Variants in LRP1B observed in about 807,000 individuals in gnomAD.
LRP1B encodes LDL receptor related protein 1B.
In LRP1B, 217 loss-of-function variants were observed where a neutral mutation model predicts 556.6. The ratio of observed to expected loss-of-function variants is 0.39; its 90% CI spans 0.35 to 0.44. The LOEUF is 0.44. LRP1B is among the 20% of genes least tolerant of loss of function. The pLI is 1.00. For missense variants in LRP1B, 5,053 were observed against 5,620.8 expected (o/e 0.90, Z 3.23); for synonymous variants, 2,047 against 1,865.8 (o/e 1.10, Z -2.50).
chr2:140,626,198 A>G (rs12469175), intron 41 of LRP1B, among the ~76,000 whole-genome samples: 34,700 of 152,046 alleles, frequency 0.23, 4,283 homozygotes, highest in Admixed American at 0.3. Flanking sequence ...AAGATCAGTG[A>G]TTACCAGGGA....
At chr2:141,629,963 T>A (rs1053971405) in intron 2 of LRP1B, among the ~76,000 whole-genome samples, 4 of 151,930 alleles carry the variant, frequency 2.6e-5, no homozygotes, top group African/African-American at 9.7e-5. Context: ...CCACCCCATG[T>A]CAAGGCATTT....
At chr2:141,690,388 C>G (rs1393262941) in intron 2 of LRP1B, among the ~76,000 whole-genome samples, 1 of 57,890 alleles carries the variant, frequency 1.7e-5, no homozygotes, top group Non-Finnish European at 3.4e-5. Flanking sequence ...AAAGGGATTA[C>G]ATCTATAAAT....
intron 84 of LRP1B, among the ~76,000 whole-genome samples, chr2:140,275,273 G>A (rs1682622718): frequency 6.6e-6 from 1 of 152,022 alleles, no homozygotes. Context: ...CCAATAAATA[G>A]GAAGGGCTGT....
intron 2 of LRP1B, among the ~76,000 whole-genome samples, chr2:141,781,286 T>C (rs188192745): frequency 3.0e-3 from 452 of 152,254 alleles, no homozygotes; most frequent in Admixed American, 5.6e-3. Context: ...ATAGGCCAAT[T>C]AGGCATGATG....
At chr2:142,023,087 C>G (rs1317192015) in intron 1 of LRP1B, among the ~76,000 whole-genome samples, 1 of 152,184 alleles carries the variant, frequency 6.6e-6, no homozygotes, top group African/African-American at 2.4e-5. Context: ...AGAATTATAT[C>G]TGAATCAGTT....
intron 4 of LRP1B, among the ~76,000 whole-genome samples, chr2:141,254,021 G>A (rs1558962174): frequency 6.6e-6 from 1 of 151,936 alleles, no homozygotes; most frequent in Non-Finnish European, 1.5e-5. Context: ...ATAAATATTT[G>A]CTATAAAGCA....
intron 57 of LRP1B, among the ~76,000 whole-genome samples, chr2:140,488,189 C>A (rs974846904): frequency 6.6e-6 from 1 of 151,980 alleles, no homozygotes; most frequent in Non-Finnish European, 1.5e-5. Flanking sequence ...GGACAGCCAA[C>A]TGATGAGTCA....
chr2:141,446,244 T>C (rs559548606), intron 3 of LRP1B, among the ~76,000 whole-genome samples: 1 of 152,300 alleles, frequency 6.6e-6, no homozygotes, highest in Non-Finnish European at 1.5e-5. Context: ...TGCTCTTTTT[T>C]TTGCTTTTGA....
chr2:140,460,079 T>C (rs1687255795), intron 60 of LRP1B, among the ~76,000 whole-genome samples: 2 of 152,174 alleles, frequency 1.3e-5, no homozygotes, highest in Admixed American at 1.3e-4. Context: ...CAAGTAAAGT[T>C]CATTTTGCAG....
chr2:140,462,702 C>T (rs1338366268), intron 60 of LRP1B, among the ~76,000 whole-genome samples: 1 of 152,164 alleles, frequency 6.6e-6, no homozygotes, highest in Non-Finnish European at 1.5e-5. Context: ...AGGAAGAGGG[C>T]AAAGAGGCAA....
At chr2:141,752,724 C>T (rs913155411) in intron 2 of LRP1B, among the ~76,000 whole-genome samples, 7 of 150,776 alleles carry the variant, frequency 4.6e-5, no homozygotes, top group African/African-American at 1.5e-4. Flanking sequence ...GGTCAGCCAT[C>T]AGTATTTAAA....
Position 140,661,506 on chromosome 2 carries a change from A to T in LRP1B, c.6799+38744T>A, listed in dbSNP as rs978366714. 2.2e-3 allele frequency among the ~76,000 whole-genome samples: 240 copies of T among 109,282 alleles called. 1 individual carries two copies. Among genetic ancestry groups the T allele is most frequent in the African/African-American group, 0.011 (233 of 20,924 alleles). 71.7% of individuals were successfully genotyped at this position (109,282 alleles called of 152,430 possible). ...GAGACCCCATCTCTACAAATAATTAAAAAAAAAAAAAAAAACGCAGTGTGG... is the reference window on the plus strand; with the variant it reads ...GAGACCCCATCTCTACAAATAATTATAAAAAAAAAAAAAAACGCAGTGTGG... On this transcript the variant is annotated intron_variant, in intron 41 of 90. Transcript: ENST00000389484.
intron 3 of LRP1B, among the ~76,000 whole-genome samples, chr2:141,410,058 A>T (rs1390776019): frequency 6.6e-6 from 1 of 152,052 alleles, no homozygotes; most frequent in Non-Finnish European, 1.5e-5. Context: ...GGAGAGAGAA[A>T]AAACGTATAA....
chr2:140,251,828 G>A (rs561916203), intron 86 of LRP1B, among the ~76,000 whole-genome samples: 2 of 151,544 alleles, frequency 1.3e-5, no homozygotes, highest in South Asian at 4.2e-4. Context: ...ATCAGTTTAT[G>A]CAAAAGGATT....
intron 17 of LRP1B, among the ~76,000 whole-genome samples, chr2:140,985,102 A>G (rs1696879266): frequency 2.0e-5 from 3 of 151,986 alleles, no homozygotes; most frequent in Non-Finnish European, 4.4e-5. Context: ...CTTCAAGAGA[A>G]TTGTTTATCT....
chr2:140,442,540 G>T lies in LRP1B; in HGVS notation c.10378C>A (p.Pro3460Thr). The T allele has an allele frequency of 2.5e-6, 4 of 1,614,002 alleles. No homozygotes were observed. The highest frequency in any genetic ancestry group is 3.4e-6 in the Non-Finnish European group (4 of 1,179,904). ...TCGTCTGATGCATCTGCACAGTCTG[G>T]ATCCTCGTCACAAACCCACAGCTTG... ...ISKLWVCDED[P>T]DCADASDEAN... is the part of the protein sequence containing the mutation. The change falls in exon 66 of 91, where the codon CCA (proline) becomes ACA (threonine). Residue 3460 changes from proline to threonine, a missense_variant. Physicochemically the swap from Pro to Thr is conservative, Grantham distance 38 (BLOSUM62 -1). Transcript: ENST00000389484.
At chr2:140,635,378 T>C (rs1325540011) in intron 41 of LRP1B, among the ~76,000 whole-genome samples, 2 of 152,016 alleles carry the variant, frequency 1.3e-5, no homozygotes, top group Admixed American at 6.6e-5. Context: ...AAGAGAGAAA[T>C]TGGTAATGAA....
chr2:141,215,371 C>T (rs570184878), intron 6 of LRP1B, among the ~76,000 whole-genome samples: 17 of 152,156 alleles, frequency 1.1e-4, no homozygotes, highest in East Asian at 3.9e-4. Flanking sequence ...TTTGTAGCAA[C>T]GCGAGAACAG....
intron 43 of LRP1B, among the ~76,000 whole-genome samples, chr2:140,595,123 T>TATAG (rs1385814154): frequency 3.0e-5 from 3 of 100,786 alleles, no homozygotes; most frequent in African/African-American, 1.4e-4. Flanking sequence ...TATATATATA[T>TATAG]ATATATATAT....
Sources: gnomAD v4.1 joint callset for allele counts (sites outside exome capture counted in the v4.1 genomes callset) on GRCh38, gnomAD v4.1.1 for gene constraint, MANE v1.5 for transcripts, NCBI Gene and HGNC (gene_info 2026-07-23, HGNC 2026-07-21) for gene names.